ABHD17B: variants seen among roughly 807,000 people sequenced by gnomAD.
ABHD17B encodes the protein abhydrolase domain containing 17B, depalmitoylase.
ABHD17B carries 9 observed loss-of-function variants against 26.2 expected under a neutral mutation model. That is an observed-to-expected ratio of 0.34 (90% CI 0.21 to 0.60). ABHD17B has a LOEUF of 0.60. Among genes scored for constraint, ABHD17B ranks in the 20% least tolerant of loss-of-function variants. The pLI, the probability that ABHD17B is intolerant of heterozygous loss-of-function variation, is 0.80. For synonymous variants in ABHD17B, 127 were observed against 122.3 expected (o/e 1.04, Z -0.25); for missense variants, 224 against 352.1 (o/e 0.64, Z 2.91).
At chr9:71,880,061 G>A (rs1450807226) in intron 1 of ABHD17B, among the ~76,000 whole-genome samples, 1 of 152,112 alleles carries the variant, frequency 6.6e-6, no homozygotes, top group Non-Finnish European at 1.5e-5. Context: ...AGAAATGAAA[G>A]AATATCATGT....
intron 1 of ABHD17B, among the ~76,000 whole-genome samples, chr9:71,908,406 A>G (rs1440798456): frequency 2.0e-5 from 3 of 151,610 alleles, no homozygotes; most frequent in African/African-American, 7.3e-5. Flanking sequence ...AAAAAAAAAA[A>G]AAAAAAAGGC....
intron 2 of ABHD17B, among the ~76,000 whole-genome samples, chr9:71,871,184 G>A (rs906802161): frequency 5.9e-5 from 9 of 152,176 alleles, no homozygotes; most frequent in African/African-American, 2.2e-4. Flanking sequence ...GAACATAACA[G>A]CTGCTTTTGG....
Position 71,874,703 on chromosome 9 carries a change from A to G in ABHD17B, c.378T>C (p.Asp126=). 6.2e-7 allele frequency: 1 copy of G among 1,614,166 alleles called. No individual in the cohort carries two copies. The highest frequency in any genetic ancestry group is 8.5e-7 in the Non-Finnish European group (1 of 1,180,000). Residue 126 remains aspartate, a synonymous_variant, in exon 2 of 4, where the codon GAT becomes GAC. Transcript: ENST00000333421. ...CGGAACTGGCACCATATCCAGAATA[A>G]TCATATGAGAATATATTACAATTAA... ...SRINCNIFSY[D]YSGYGASSGK... is the part of the protein sequence containing the mutation.
At position 71,866,231 on chromosome 9, in the gene ABHD17B, G is replaced by A; in HGVS notation, c.*556C>T. 8.2e-6 allele frequency: 8 copies of A among 980,922 alleles called. No individual in the cohort carries two copies. Among genetic ancestry groups the A allele is most frequent in the Non-Finnish European group, 9.7e-6 (8 of 825,472 alleles). The allele number at this position is 980,922 out of a possible 1,614,324, so 60.8% of individuals were successfully genotyped here. On this transcript the variant is annotated 3_prime_UTR_variant, in exon 4 of 4. Coordinates refer to ENST00000333421, the MANE Select transcript of ABHD17B (RefSeq NM_001025780.3). ...TAAAGGATAAATGTATGTAATCAGA[G>A]TATACAGAAAATTCAATGTATTTTA...
intron 1 of ABHD17B, among the ~76,000 whole-genome samples, chr9:71,903,106 T>C (rs1270544368): frequency 6.6e-6 from 1 of 152,176 alleles, no homozygotes; most frequent in Non-Finnish European, 1.5e-5. Flanking sequence ...AAATCTTAAA[T>C]ACTCTGATAA....
chr9:71,869,487 C>T (rs1299784306), intron 3 of ABHD17B, among the ~76,000 whole-genome samples: 1 of 152,146 alleles, frequency 6.6e-6, no homozygotes, highest in East Asian at 1.9e-4. Context: ...GAACTACCTC[C>T]TGTCTTGAGA....
intron 2 of ABHD17B, among the ~76,000 whole-genome samples, chr9:71,870,927 T>A (rs569370118): frequency 6.6e-6 from 1 of 152,236 alleles, no homozygotes; most frequent in Non-Finnish European, 1.5e-5. Flanking sequence ...GGTACTATTT[T>A]AATCCCTTTA....
Position 71,875,052 on chromosome 9 carries a change from C to G in ABHD17B, c.29G>C (p.Cys10Ser), listed in dbSNP as rs1826225602. MNNLSFSEL[C>S]CLFCCPPCPG... The stretch of plus-strand genomic sequence containing the variant: ...ACAAGGTGGACAGCAGAAGAGGCAA[C>G]ATAGCTCACTAAATGAAAGATTATT... The change falls in exon 2 of 4, where the codon TGT (cysteine) becomes TCT (serine). Residue 10 changes from cysteine to serine, a missense_variant. By Grantham distance (112) the Cys-to-Ser change is moderately radical. Coordinates refer to ENST00000333421, the MANE Select transcript of ABHD17B (RefSeq NM_001025780.3). The G allele has an allele frequency of 6.2e-7, 1 of 1,610,236 alleles. No homozygotes were observed. The highest frequency in any genetic ancestry group is 8.5e-7 in the Non-Finnish European group (1 of 1,177,048).
chr9:71,878,847 G>A (rs896668221), intron 1 of ABHD17B, among the ~76,000 whole-genome samples: 9 of 152,250 alleles, frequency 5.9e-5, no homozygotes, highest in Non-Finnish European at 1.2e-4. Context: ...ACTCCAGCAA[G>A]GAGGGAAGGA....
chr9:71,893,849 G>A (rs1413763402), intron 1 of ABHD17B, among the ~76,000 whole-genome samples: 2 of 152,154 alleles, frequency 1.3e-5, no homozygotes, highest in Non-Finnish European at 2.9e-5. Context: ...CAGCACTTTG[G>A]TAGGCCAAGG....
chr9:71,874,669 T>C lies in ABHD17B; in HGVS notation c.412A>G (p.Thr138Ala). 6.2e-7 allele frequency: 1 copy of C among 1,613,264 alleles called. No individual in the cohort carries two copies. Among genetic ancestry groups the C allele is most frequent in the Non-Finnish European group, 8.5e-7 (1 of 1,179,480 alleles). The change falls in exon 2 of 4, where the codon ACA becomes GCA. Residue 138 changes from threonine (T) to alanine (A), a missense_variant. Physicochemically the swap from Thr to Ala is moderately conservative, Grantham distance 58. Transcript: ENST00000333421. ...ATGTCTGCATAGAGGTTCTTCTCTGTGGGTTTCCCGGAACTGGCACCATAT... is the reference window on the plus strand; with the variant it reads ...ATGTCTGCATAGAGGTTCTTCTCTGCGGGTTTCCCGGAACTGGCACCATAT... ...SGYGASSGKPTEKNLYADIEA... is the reference protein window; with the variant it reads ...SGYGASSGKPAEKNLYADIEA...
At position 71,906,822 on chromosome 9, in the gene ABHD17B, A is replaced by AC. The variant is rs200031425; in HGVS notation, c.-4+3811_-4+3812insG. Among the ~76,000 whole-genome samples, 966 of 147,182 alleles carry AC rather than the reference A, an allele frequency of 6.6e-3. 8 individuals are homozygous for AC. The highest frequency in any genetic ancestry group is 8.2e-3 in the East Asian group (42 of 5,100). On this transcript the variant is annotated intron_variant, in intron 1 of 3. Coordinates refer to ENST00000333421, the MANE Select transcript of ABHD17B (RefSeq NM_001025780.3). ...TATTAAAAAACAAACAAACAAACAA[A>AC]AAAAAAAACAGCATCTGCATCAGTA...
At chr9:71,910,382 C>G (rs1827423675) in intron 1 of ABHD17B, among the ~76,000 whole-genome samples, 1 of 152,138 alleles carries the variant, frequency 6.6e-6, no homozygotes, top group African/African-American at 2.4e-5. Context: ...CTCCACGGAC[C>G]GCAGGGACTG....
rs528988483 is a variant in ABHD17B, at chr9:71,865,514, G to C, written c.*1273C>G. On this transcript the variant is annotated 3_prime_UTR_variant, in exon 4 of 4. Transcript: ENST00000333421. Reference sequence around the variant, plus strand: ...ACGTATTCTTATCTCCTATACCCAGGAGTGAATCCATGAAATTCTCAGATA... The same window carrying C: ...ACGTATTCTTATCTCCTATACCCAGCAGTGAATCCATGAAATTCTCAGATA... 54 of 984,478 alleles carry C rather than the reference G, an allele frequency of 5.5e-5. No homozygotes were observed. In the African/African-American group the frequency reaches 8.6e-4, roughly 16 times the overall value. The allele number at this position is 984,478 out of a possible 1,614,324, so 61.0% of individuals were successfully genotyped here. A position where few individuals can be genotyped will look rare whatever the true frequency, so the allele number is the denominator to read the frequency against.
intron 1 of ABHD17B, among the ~76,000 whole-genome samples, chr9:71,890,162 T>C (rs1323169011): frequency 6.6e-6 from 1 of 152,066 alleles, no homozygotes; most frequent in Admixed American, 6.5e-5. Context: ...TGACGGTGCA[T>C]GTCTGCAATC....
chr9:71,872,763 GATATC>G (rs1826150400), intron 2 of ABHD17B, among the ~76,000 whole-genome samples: 1 of 152,018 alleles, frequency 6.6e-6, no homozygotes, highest in South Asian at 2.1e-4. Context: ...TGATGGAACT[GATATC>G]AATATATGTA....
In ABHD17B at chr9:71,873,776, G is replaced by A. The variant is rs1014310434; in HGVS notation, c.467+838C>T. On this transcript the variant is annotated intron_variant, in intron 2 of 3. Transcript: ENST00000333421. ...TCTCGAACTCCTGACCTTGTGATTC[G>A]CCTGCCTCAGCCTCCCAAAGTGCTA... 4.6e-5 allele frequency among the ~76,000 whole-genome samples: 7 copies of A among 151,416 alleles called. No individual in the cohort carries two copies. In the East Asian group the frequency reaches 9.7e-4, roughly 21 times the overall value.
At chr9:71,879,923 C>T (rs567547344) in intron 1 of ABHD17B, among the ~76,000 whole-genome samples, 7 of 152,256 alleles carry the variant, frequency 4.6e-5, no homozygotes, top group African/African-American at 1.7e-4. Flanking sequence ...GACTCTGTAA[C>T]CCAAACTCAT....
In ABHD17B at chr9:71,866,908, C is replaced by A. The variant is rs1185912634; in HGVS notation, c.746G>T (p.Arg249Leu). The change falls in exon 4 of 4, where the codon CGT (arginine) becomes CTT (leucine). Residue 249 changes from arginine (R) to leucine (L), a missense_variant. By Grantham distance (102) the Arg-to-Leu change is moderately radical. Coordinates refer to ENST00000333421, the MANE Select transcript of ABHD17B (RefSeq NM_001025780.3). ...GAGAGGCTCCACAGGTCTTTGGCAACGTTCAAACAATGCGAGGCCATGTGA... is the reference window on the plus strand; with the variant it reads ...GAGAGGCTCCACAGGTCTTTGGCAAAGTTCAAACAATGCGAGGCCATGTGA... ...DFSHGLALFERCQRPVEPLWV... is the reference protein window; with the variant it reads ...DFSHGLALFELCQRPVEPLWV... The A allele has an allele frequency of 6.2e-7, 1 of 1,614,134 alleles. No homozygotes were observed. The highest frequency in any genetic ancestry group is 2.2e-5 in the East Asian group (1 of 44,878).
Sources: gnomAD v4.1 joint callset for allele counts (sites outside exome capture counted in the v4.1 genomes callset) on GRCh38, gnomAD v4.1.1 for gene constraint, MANE v1.5 for transcripts, NCBI Gene and HGNC (gene_info 2026-07-23, HGNC 2026-07-21) for gene names.